Variants in POU2AF3 observed in about 807,000 individuals in gnomAD.
The protein encoded by POU2AF3 is cancer susceptibility candidate 13.
chr11:111,300,712 C>T, the POU2AF3 span: 3 of 570,328 alleles, frequency 5.3e-6, no homozygotes, highest in African/African-American at 1.9e-5. Flanking sequence ...CAAGGCCCCA[C>T]GCACTCACCA....
the POU2AF3 span, among the ~76,000 whole-genome samples, chr11:111,302,414 C>G: frequency 6.6e-6 from 1 of 152,104 alleles, no homozygotes. Flanking sequence ...GTAACGTTTC[C>G]TTAAGGAGCT....
chr11:111,298,556 C>T, the POU2AF3 span: 1 of 1,246,580 alleles, frequency 8.0e-7, no homozygotes, highest in Non-Finnish European at 1.0e-6. Context: ...AGCATCCAGC[C>T]ACCGACCCAG....
chr11:111,304,981 A>G, the POU2AF3 span: 1 of 1,232,210 alleles, frequency 8.1e-7, no homozygotes, highest in Non-Finnish European at 1.0e-6. Context: ...CATCTTCTGC[A>G]GGTCAGTACA....
At chr11:111,299,476 T>C in the POU2AF3 span, 1 of 1,101,102 alleles carries the variant, frequency 9.1e-7, no homozygotes, top group Non-Finnish European at 1.1e-6. Context: ...GGGCTGAGGC[T>C]GCCCCTGCTC....
the POU2AF3 span, chr11:111,304,934 G>C: frequency 4.9e-6 from 6 of 1,232,680 alleles, no homozygotes; most frequent in African/African-American, 9.3e-5. Flanking sequence ...ACAGCGGTCC[G>C]GAGGCAGCAG....
the POU2AF3 span, chr11:111,299,334 A>C: frequency 1.0e-6 from 1 of 988,674 alleles, no homozygotes. Context: ...TCCTGGACGC[A>C]CACTGCAGGG....
chr11:111,299,911 G>A, the POU2AF3 span: 1 of 437,312 alleles, frequency 2.3e-6, no homozygotes, highest in East Asian at 3.5e-5. Context: ...CAGGTACCTC[G>A]CCGGCCCAGG....
chr11:111,299,730 G>A, the POU2AF3 span: 5 of 1,231,654 alleles, frequency 4.1e-6, no homozygotes, highest in East Asian at 1.6e-4. Context: ...AGGGGGTAGG[G>A]AGAGAGGGGA....
the POU2AF3 span, among the ~76,000 whole-genome samples, chr11:111,302,082 CA>C: frequency 7.2e-5 from 11 of 152,204 alleles, no homozygotes; most frequent in African/African-American, 2.4e-4. Context: ...GCCACTATTT[CA>C]TTTAGTTTTT....
the POU2AF3 span, chr11:111,308,207 C>T: frequency 1.9e-6 from 3 of 1,551,806 alleles, no homozygotes; most frequent in Admixed American, 3.9e-5. Flanking sequence ...TGGCTACCCC[C>T]CAGAAGACCA....
chr11:111,304,491 C>T, the POU2AF3 span, among the ~76,000 whole-genome samples: 3 of 151,896 alleles, frequency 2.0e-5, no homozygotes, highest in African/African-American at 7.3e-5. Context: ...AAAAAACTCC[C>T]CAAGCAAGCA....
the POU2AF3 span, chr11:111,308,295 C>T: frequency 3.2e-6 from 5 of 1,551,764 alleles, no homozygotes; most frequent in Non-Finnish European, 4.4e-6. Flanking sequence ...TACTGCGCAT[C>T]GTGTGAGGCA....
At chr11:111,298,804 T>C in the POU2AF3 span, 1 of 1,206,432 alleles carries the variant, frequency 8.3e-7, no homozygotes, top group East Asian at 3.2e-5. Flanking sequence ...AGTTGGCCGC[T>C]CCGGACGTCC....
chr11:111,302,543 A>G, the POU2AF3 span, among the ~76,000 whole-genome samples: 1 of 152,114 alleles, frequency 6.6e-6, no homozygotes, highest in Non-Finnish European at 1.5e-5. Flanking sequence ...TTAGCTCGCT[A>G]CAGGAGCTAA....
At chr11:111,298,855 G>A in the POU2AF3 span, 2 of 580,462 alleles carry the variant, frequency 3.4e-6, no homozygotes, top group Non-Finnish European at 4.8e-6. Context: ...CGTATCCACT[G>A]TTGTGTCCTG....
chr11:111,298,826 G>GGGGGGGGGGCCGC, the POU2AF3 span: 1 of 790,962 alleles, frequency 1.3e-6, no homozygotes, highest in Non-Finnish European at 1.7e-6. Context: ...CGTACCCCAG[G>GGGGGGGGGGCCGC]CCCCCGCCCG....
At chr11:111,308,513 T>C in the POU2AF3 span, 3 of 1,380,726 alleles carry the variant, frequency 2.2e-6, no homozygotes, top group South Asian at 4.5e-5. Context: ...CTGCAAAATA[T>C]GCAACTTGGT....
chr11:111,298,702 C>T, the POU2AF3 span: 1 of 1,115,158 alleles, frequency 9.0e-7, no homozygotes, highest in Non-Finnish European at 1.1e-6. Context: ...TCAAGGCATG[C>T]GAGTAAGGGC....
At chr11:111,299,483 G>A in the POU2AF3 span, 5 of 1,111,254 alleles carry the variant, frequency 4.5e-6, no homozygotes, top group Admixed American at 5.1e-5. Flanking sequence ...GGCTGCCCCT[G>A]CTCCCAGCGC....
Sources: gnomAD v4.1 joint callset for allele counts (sites outside exome capture counted in the v4.1 genomes callset) on GRCh38, gnomAD v4.1.1 for gene constraint, MANE v1.5 for transcripts, NCBI Gene and HGNC (gene_info 2026-07-23, HGNC 2026-07-21) for gene names.